Variants in SLC16A4 observed in about 807,000 individuals in gnomAD.
SLC16A4 encodes probable monocarboxylate transporter 5.
In SLC16A4, 39 loss-of-function variants were observed where a neutral mutation model predicts 47.9. The observed-to-expected ratio is 0.81, with a 90% CI of 0.63 to 1.06. The LOEUF (loss-of-function observed/expected upper bound fraction) is 1.06. Among genes scored for constraint, SLC16A4 ranks in the 50% least tolerant of loss-of-function variants. The pLI, the probability that SLC16A4 is intolerant of heterozygous loss-of-function variation, is 0.00. For missense variants in SLC16A4, 524 were observed against 573.8 expected (o/e 0.91, Z 0.89); for synonymous variants, 189 against 199.9 (o/e 0.95, Z 0.46).
chr1:110,366,157 C>G (rs377003783), intron 8 of SLC16A4, among the ~76,000 whole-genome samples: 12 of 121,610 alleles, frequency 9.9e-5, no homozygotes, highest in African/African-American at 3.5e-4. Flanking sequence ...CTCACTCACT[C>G]ACTTTTTTTT....
intron 6 of SLC16A4, among the ~76,000 whole-genome samples, 182 bp from the exon 7 acceptor site, chr1:110,377,343 A>T (rs1289131215): frequency 6.6e-6 from 1 of 152,224 alleles, no homozygotes; most frequent in Non-Finnish European, 1.5e-5. Context: ...ACATTTAATA[A>T]AATAGCAAAA....
intron 2 of SLC16A4, among the ~76,000 whole-genome samples, chr1:110,388,757 C>G (rs1662866442): frequency 6.6e-6 from 1 of 152,238 alleles, no homozygotes; most frequent in Non-Finnish European, 1.5e-5. Context: ...GTTGCCTAGG[C>G]TGCAGTGCAG....
At chr1:110,370,226 A>C (rs959663227) in intron 8 of SLC16A4, 1 of 152,182 alleles carries the variant, frequency 6.6e-6, no homozygotes, top group Non-Finnish European at 1.5e-5. Context: ...AGATACATAA[A>C]ATATTTACTT....
In SLC16A4 at chr1:110,382,971, A is replaced by G. The variant is rs765580738; in HGVS notation, c.88-5T>C. ...CCCCATCACAAACACATTCACCTAA[A>G]TCAAAGCAGACCAGAGTCCAACTCA... is the stretch of plus-strand genomic sequence containing the variant. On this transcript the variant is annotated splice_polypyrimidine_tract_variant and splice_region_variant and intron_variant, in intron 2 of 8. Transcript: ENST00000369779. The G allele has an allele frequency of 6.3e-7, 1 of 1,599,800 alleles. No homozygotes were observed. The highest frequency in any genetic ancestry group is 1.7e-5 in the Admixed American group (1 of 58,540).
intron 8 of SLC16A4, chr1:110,372,255 A>C (rs1191443420): frequency 6.6e-6 from 1 of 152,204 alleles, no homozygotes; most frequent in Non-Finnish European, 1.5e-5. Flanking sequence ...GATTATTATG[A>C]AAAGTTTTAC....
At chr1:110,375,127 C>T (rs1306696098) in intron 8 of SLC16A4, 1 of 189,176 alleles carries the variant, frequency 5.3e-6, no homozygotes, top group East Asian at 1.1e-4. Context: ...CAATTGCTCC[C>T]AGCCTTTTTT....
rs1662190285 is a variant in SLC16A4 at position 110,379,002 on chromosome 1, G to A, written c.881C>T (p.Ser294Phe). ...SWSCKQLFDISLFRNPFFYIF... is the reference protein window; with the variant it reads ...SWSCKQLFDIFLFRNPFFYIF... The stretch of plus-strand genomic sequence containing the variant: ...GTAGAAGAAAGGATTTCTAAAGAGA[G>A]AAATGTCAAACAGTTGTTTGCAGCT... The change falls in exon 6 of 9, where the codon TCT becomes TTT. Residue 294 changes from serine to phenylalanine, a missense_variant. Physicochemically the swap from Ser to Phe is radical, Grantham distance 155. Transcript: ENST00000369779. The A allele has an allele frequency of 6.2e-7, 1 of 1,614,186 alleles. No homozygotes were observed. The highest frequency in any genetic ancestry group is 8.5e-7 in the Non-Finnish European group (1 of 1,180,022).
intron 8 of SLC16A4, chr1:110,375,228 C>T (rs958892862): frequency 2.2e-6 from 1 of 452,110 alleles, no homozygotes; most frequent in Non-Finnish European, 4.0e-6. Context: ...AGTGTCTGCC[C>T]TACAACTCCC....
chr1:110,389,948 A>C (rs763759766), intron 1 of SLC16A4, among the ~76,000 whole-genome samples: 2 of 152,152 alleles, frequency 1.3e-5, no homozygotes, highest in African/African-American at 4.8e-5. Flanking sequence ...TGTGCTCACT[A>C]TCTGGGTGAG....
intron 3 of SLC16A4, among the ~76,000 whole-genome samples, chr1:110,382,142 CAAAT>C (rs1329578963): frequency 6.6e-6 from 1 of 152,118 alleles, no homozygotes; most frequent in Non-Finnish European, 1.5e-5. Flanking sequence ...GTTACAGCTC[CAAAT>C]AAAAGGAGAA....
intron 7 of SLC16A4, among the ~76,000 whole-genome samples, chr1:110,376,556 C>T (rs778952174): frequency 7.2e-5 from 11 of 152,162 alleles, no homozygotes; most frequent in Non-Finnish European, 1.5e-4. Flanking sequence ...AAGAGAGAAA[C>T]CACACTGGTC....
chr1:110,366,516 G>A (rs1303971201), intron 8 of SLC16A4, among the ~76,000 whole-genome samples: 1 of 152,150 alleles, frequency 6.6e-6, no homozygotes, highest in Non-Finnish European at 1.5e-5. Flanking sequence ...AACCTCATGA[G>A]GTTATGATAT....
At chr1:110,380,643 G>A (rs1267385975) in intron 5 of SLC16A4, among the ~76,000 whole-genome samples, 1 of 137,652 alleles carries the variant, frequency 7.3e-6, no homozygotes, top group African/African-American at 2.6e-5. Flanking sequence ...GGGGCGGGGG[G>A]GGAAGGGGGA....
chr1:110,364,708 GC>G (rs1661283474), intron 8 of SLC16A4, among the ~76,000 whole-genome samples: 1 of 151,662 alleles, frequency 6.6e-6, no homozygotes, highest in African/African-American at 2.4e-5. Flanking sequence ...ACGGAGTTTC[GC>G]CATGTTGGCC....
At chr1:110,389,128 T>C in intron 2 of SLC16A4, 109 bp downstream of exon 2, 1 of 947,044 alleles carries the variant, frequency 1.1e-6, no homozygotes, top group Non-Finnish European at 1.7e-6. Flanking sequence ...ACCCCTCCAC[T>C]CAGATGCCAA....
At chr1:110,381,448 AATAG>A (rs1223689911) in intron 4 of SLC16A4, among the ~76,000 whole-genome samples, 200 bp downstream of exon 4, 1 of 152,134 alleles carries the variant, frequency 6.6e-6, no homozygotes, top group Non-Finnish European at 1.5e-5. Flanking sequence ...CAGCTTCCCA[AATAG>A]CTGGGACTAC....
At chr1:110,376,891 G>T in intron 7 of SLC16A4, 59 bp downstream of exon 7, 1 of 1,367,642 alleles carries the variant, frequency 7.3e-7, no homozygotes. Flanking sequence ...TGGGGAGATT[G>T]TTACTGATAC....
intron 6 of SLC16A4, 41 bp downstream of exon 6, chr1:110,378,812 A>G: frequency 6.5e-7 from 1 of 1,539,516 alleles, no homozygotes; most frequent in Non-Finnish European, 8.7e-7. Context: ...AATTAAGTTG[A>G]TCTTTCCTTT....
chr1:110,381,279 C>G (rs192966619), intron 4 of SLC16A4, 136 bp from the exon 5 acceptor site: 5 of 700,380 alleles, frequency 7.1e-6, no homozygotes, highest in African/African-American at 1.8e-5. Context: ...GAGTCCTGTT[C>G]CATCTTCTAT....
Sources: gnomAD v4.1 joint callset for allele counts (sites outside exome capture counted in the v4.1 genomes callset) on GRCh38, gnomAD v4.1.1 for gene constraint, MANE v1.5 for transcripts, NCBI Gene and HGNC (gene_info 2026-07-23, HGNC 2026-07-21) for gene names.